The following GTF2I variants were observed in gnomAD, a reference collection of about 807,000 sequenced individuals.
The protein encoded by GTF2I is general transcription factor II-I.
Under a neutral mutation model 67.6 loss-of-function variants are expected in GTF2I, and 12 were observed. That is an observed-to-expected ratio of 0.18 (90% CI 0.11 to 0.29). The LOEUF is 0.29. Ranked by LOEUF, GTF2I falls within the 10% of genes least tolerant of loss-of-function variation. The probability of loss-of-function intolerance (pLI) is 1.00; values close to 1 mark genes in which losing one functional copy is unlikely to be tolerated. For missense variants in GTF2I, 271 were observed against 580.1 expected (o/e 0.47, Z 5.47); for synonymous variants, 149 against 197.0 (o/e 0.76, Z 2.04).
intron 1 of GTF2I, among the ~76,000 whole-genome samples, chr7:74,676,920 G>A (rs1355719884): frequency 6.6e-6 from 1 of 152,036 alleles, no homozygotes; most frequent in Non-Finnish European, 1.5e-5. Flanking sequence ...CTAGCTGGGT[G>A]TGGTGTCAGG....
rs183582832 is a variant in GTF2I at position 74,709,990 on chromosome 7, A to G, written c.686-1042A>G. ...ACCTGGCTGTTAGCTGTAATTTTCT[A>G]TTAACTTTTACTGATGGACATGAAA... On this transcript the variant is annotated intron_variant, in intron 8 of 34. Transcript: ENST00000573035. 2.0e-3 allele frequency among the ~76,000 whole-genome samples: 311 copies of G among 152,246 alleles called. 1 individual carries two copies. Among genetic ancestry groups the G allele is most frequent in the African/African-American group, 7.0e-3 (290 of 41,540 alleles).
chr7:74,677,781 C>CAAAAAAAAAAAAAAAAAAA (rs67938540), intron 1 of GTF2I, among the ~76,000 whole-genome samples: 1 of 72,150 alleles, frequency 1.4e-5, no homozygotes, highest in Admixed American at 2.0e-4. Flanking sequence ...GATTCTGTCT[C>CAAAAAAAAAAAAAAAAAAA]AAAAAAAAAA....
chr7:74,724,807 G>A (rs1793544665), intron 12 of GTF2I, among the ~76,000 whole-genome samples: 1 of 152,038 alleles, frequency 6.6e-6, no homozygotes, highest in East Asian at 1.9e-4. Context: ...TGTAATCCCA[G>A]CTACTCTGGA....
At chr7:74,697,946 T>TTTTTTTTG (rs1554398728) in intron 3 of GTF2I, among the ~76,000 whole-genome samples, 4 of 147,704 alleles carry the variant, frequency 2.7e-5, no homozygotes, top group Admixed American at 2.0e-4. Flanking sequence ...TTTTTGTATT[T>TTTTTTTTG]TTTGTTTGTT....
At chr7:74,706,058 T>A (rs1790633117) in intron 7 of GTF2I, among the ~76,000 whole-genome samples, 2 of 151,816 alleles carry the variant, frequency 1.3e-5, no homozygotes, top group Admixed American at 1.3e-4. Flanking sequence ...ATTCAAGTGA[T>A]TCAGGTGAGC....
chr7:74,687,486 G>T (rs1787839270), intron 1 of GTF2I: 2 of 869,600 alleles, frequency 2.3e-6, no homozygotes, highest in African/African-American at 1.8e-5. Context: ...GCCTTCCAAA[G>T]GGCTGGGATT....
At chr7:74,664,467 T>A (rs950823786) in intron 1 of GTF2I, among the ~76,000 whole-genome samples, 1 of 152,154 alleles carries the variant, frequency 6.6e-6, no homozygotes, top group African/African-American at 2.4e-5. Context: ...GGAGTCTCCC[T>A]CTGTCGCACA....
intron 2 of GTF2I, 108 bp from the exon 3 acceptor site, chr7:74,690,865 G>C: frequency 9.5e-7 from 1 of 1,050,428 alleles, no homozygotes; most frequent in Non-Finnish European, 1.4e-6. Flanking sequence ...AAACTATCTT[G>C]AAAGAGAAGT....
chr7:74,674,121 GTGCAGTGGTGTGGTCATAGGTCAC>G (rs1453610522), intron 1 of GTF2I, among the ~76,000 whole-genome samples: 6 of 145,286 alleles, frequency 4.1e-5, no homozygotes, highest in Non-Finnish European at 6.0e-5. Context: ...CCAAGCTGGA[GTGCAGTGGTGTGGTCATAGGTCAC>G]TGCAGCGTCG....
At chr7:74,689,263 A>G in intron 2 of GTF2I, 36 bp downstream of exon 2, 1 of 1,078,282 alleles carries the variant, frequency 9.3e-7, no homozygotes, top group Non-Finnish European at 1.4e-6. Context: ...ATAGTTGGGT[A>G]GGCCTGCACT....
At chr7:74,661,834 C>T (rs1554386722) in intron 1 of GTF2I, among the ~76,000 whole-genome samples, 1 of 152,038 alleles carries the variant, frequency 6.6e-6, no homozygotes, top group African/African-American at 2.4e-5. Context: ...AAAAAGGGGC[C>T]ATGGATTTAA....
At chr7:74,680,099 A>AAAT in intron 1 of GTF2I, among the ~76,000 whole-genome samples, 43 of 94,978 alleles carry the variant, frequency 4.5e-4, no homozygotes, top group South Asian at 3.6e-3. Context: ...AAAAAAAAAA[A>AAAT]ATATATATAT....
intron 12 of GTF2I, chr7:74,726,893 C>A (rs1257252758): frequency 1.5e-5 from 2 of 133,174 alleles, no homozygotes; most frequent in East Asian, 2.2e-4. Context: ...AGAATGAGAC[C>A]CTGCCAATAG....
intron 1 of GTF2I, among the ~76,000 whole-genome samples, chr7:74,681,523 A>G (rs587682468): frequency 1.3e-5 from 2 of 152,332 alleles, no homozygotes; most frequent in South Asian, 2.1e-4. Context: ...TGTCTGTTTA[A>G]TCACAGTATA....
chr7:74,676,584 G>A (rs1013705078), intron 1 of GTF2I, among the ~76,000 whole-genome samples: 5 of 151,346 alleles, frequency 3.3e-5, no homozygotes, highest in Non-Finnish European at 5.9e-5. Context: ...CACATGTCTA[G>A]AAAAAAAAAT....
chr7:74,668,568 T>TATTC (rs1805190266), intron 1 of GTF2I, among the ~76,000 whole-genome samples: 1 of 151,628 alleles, frequency 6.6e-6, no homozygotes, highest in Non-Finnish European at 1.5e-5. Context: ...CATATTTATT[T>TATTC]ATTTATTTAT....
chr7:74,658,469 C>T (rs587611293), intron 1 of GTF2I, among the ~76,000 whole-genome samples: 116 of 146,240 alleles, frequency 7.9e-4, no homozygotes, highest in African/African-American at 2.8e-3. Context: ...GCCCTGCGGG[C>T]TGCGCATGCC....
chr7:74,700,718 T>C (rs1789608847), intron 6 of GTF2I, 84 bp downstream of exon 6: 3 of 1,274,282 alleles, frequency 2.4e-6, no homozygotes, highest in South Asian at 2.4e-5. Context: ...TCTGTTTTAT[T>C]GTCTTTGAGA....
intron 3 of GTF2I, among the ~76,000 whole-genome samples, chr7:74,692,468 A>C (rs759094335): frequency 6.6e-6 from 1 of 151,896 alleles, no homozygotes. Context: ...GTTCTCCTCC[A>C]CTCCCTCACA....
Sources: gnomAD v4.1 joint callset for allele counts (sites outside exome capture counted in the v4.1 genomes callset) on GRCh38, gnomAD v4.1.1 for gene constraint, MANE v1.5 for transcripts, NCBI Gene and HGNC (gene_info 2026-07-23, HGNC 2026-07-21) for gene names.